Variants in FNTB observed in about 807,000 individuals in gnomAD.
FNTB encodes protein farnesyltransferase subunit beta.
A neutral mutation model predicts 59.4 loss-of-function variants in FNTB; 27 were observed. The ratio of observed to expected loss-of-function variants is 0.45; its 90% CI spans 0.34 to 0.63. FNTB has a LOEUF of 0.63. Ranked by LOEUF, FNTB falls within the 20% of genes least tolerant of loss-of-function variation. FNTB has a pLI of 0.02. For missense variants in FNTB, 449 were observed against 559.6 expected (o/e 0.80, Z 1.99); for synonymous variants, 230 against 220.7 (o/e 1.04, Z -0.37).
intron 7 of FNTB, among the ~76,000 whole-genome samples, chr14:65,035,827 C>G (rs906554631): frequency 6.6e-6 from 1 of 151,734 alleles, no homozygotes; most frequent in Non-Finnish European, 1.5e-5. Flanking sequence ...AGCCACTGCG[C>G]CCAGCTTTTT....
intron 3 of FNTB, among the ~76,000 whole-genome samples, chr14:65,013,275 T>A (rs954749287): frequency 6.6e-6 from 1 of 151,936 alleles, no homozygotes; most frequent in Non-Finnish European, 1.5e-5. Flanking sequence ...TCCTGCCCAT[T>A]ACTGCCATCT....
intron 7 of FNTB, among the ~76,000 whole-genome samples, chr14:65,040,257 A>ATATATATGTATATATATGTG (rs2062315089): frequency 2.0e-5 from 3 of 148,942 alleles, no homozygotes; most frequent in Non-Finnish European, 4.4e-5. Flanking sequence ...CTATATATAT[A>ATATATATGTATATATATGTG]TGTATATATA....
At chr14:65,016,763 C>G (rs1030979295) in intron 4 of FNTB, among the ~76,000 whole-genome samples, 8 of 152,086 alleles carry the variant, frequency 5.3e-5, no homozygotes, top group Middle Eastern at 3.2e-3. Flanking sequence ...GGCCATTAAC[C>G]CTTGTGGTAC....
At chr14:65,021,831 AG>A (rs2061891800) in intron 4 of FNTB, 2 of 422,836 alleles carry the variant, frequency 4.7e-6, no homozygotes, top group African/African-American at 4.1e-5. Flanking sequence ...TTTTTAGTAG[AG>A]ATGGGGTTTC....
At chr14:65,004,112 C>T (rs533844878) in intron 1 of FNTB, 137 bp from the exon 2 acceptor site, 4 of 796,118 alleles carry the variant, frequency 5.0e-6, no homozygotes, top group Admixed American at 5.6e-5. Context: ...CTGCAGAACC[C>T]ATCTTACAGT....
intron 1 of FNTB, among the ~76,000 whole-genome samples, chr14:65,000,838 A>AAAAAAAAAG (rs778200008): frequency 5.2e-5 from 6 of 116,022 alleles, no homozygotes; most frequent in South Asian, 2.8e-4. Context: ...AAAAAAAAAA[A>AAAAAAAAAG]AAAGAATAGT....
intron 11 of FNTB, among the ~76,000 whole-genome samples, chr14:65,058,204 TCTTTA>T (rs1318530692): frequency 5.0e-5 from 6 of 120,132 alleles, no homozygotes; most frequent in Admixed American, 4.6e-4. Context: ...ATTTTTCTTT[TCTTTA>T]ATGTCTTTCA....
chr14:65,035,516 C>T (rs564928283), intron 7 of FNTB, among the ~76,000 whole-genome samples: 1 of 151,908 alleles, frequency 6.6e-6, no homozygotes, highest in South Asian at 2.1e-4. Context: ...CTTCTTTCTT[C>T]CTCTGTCTTT....
chr14:64,995,618 C>G (rs1888362237), intron 1 of FNTB, among the ~76,000 whole-genome samples: 1 of 151,234 alleles, frequency 6.6e-6, no homozygotes. Flanking sequence ...TGGCACATTA[C>G]TATATTAGTT....
chr14:65,041,829 C>A (rs2062360719), intron 8 of FNTB, among the ~76,000 whole-genome samples: 1 of 152,138 alleles, frequency 6.6e-6, no homozygotes, highest in Non-Finnish European at 1.5e-5. Context: ...GTTTTAAAAT[C>A]TGAACACCAA....
At chr14:65,018,882 G>A (rs2061831701) in intron 4 of FNTB, among the ~76,000 whole-genome samples, 1 of 151,122 alleles carries the variant, frequency 6.6e-6, no homozygotes, top group South Asian at 2.1e-4. Flanking sequence ...AGAACGAAGT[G>A]GGTGGATCAC....
intron 2 of FNTB, among the ~76,000 whole-genome samples, chr14:65,008,411 C>G (rs1595006952): frequency 6.6e-6 from 1 of 152,210 alleles, no homozygotes; most frequent in African/African-American, 2.4e-5. Flanking sequence ...TCAGGGAAGC[C>G]AGAGTGAGCA....
At chr14:64,988,490 G>C (rs1264329001) in intron 1 of FNTB, among the ~76,000 whole-genome samples, 2 of 146,682 alleles carry the variant, frequency 1.4e-5, no homozygotes, top group African/African-American at 2.5e-5. Flanking sequence ...CCTGTTGCCA[G>C]GCTGGGATGC....
At position 64,991,990 on chromosome 14, in the gene FNTB, C is replaced by T. The variant is rs888259732; in HGVS notation, c.144+4893C>T. Among the ~76,000 whole-genome samples the T allele has an allele frequency of 6.6e-5, 10 of 152,084 alleles. 1 individual carries two copies. Among genetic ancestry groups the T allele is most frequent in the African/African-American group, 2.2e-4 (9 of 41,392 alleles). On this transcript the variant is annotated intron_variant, in intron 1 of 11. Transcript: ENST00000246166. This position sits in a 1 kb window ranked among gnomAD's most constrained non-coding sequence, Gnocchi z 4.4. The stretch of plus-strand genomic sequence containing the variant: ...ACCACATATCCTAAGGAGGGACCAG[C>T]GGAACAGAATCCTGACCTGCTGTTG...
Position 64,994,656 on chromosome 14 carries a change from C to T in FNTB, c.144+7559C>T, listed in dbSNP as rs187710190. ...GTTATAAAAGATAAAAAATGATAGA[C>T]CTATCTAGGGAACTTAGCATGAATG... is the stretch of plus-strand genomic sequence containing the variant. On this transcript the variant is annotated intron_variant, in intron 1 of 11. Transcript: ENST00000246166. This position sits in a 1 kb window ranked among gnomAD's most constrained non-coding sequence, Gnocchi z 4.2. Among the ~76,000 whole-genome samples the T allele has an allele frequency of 2.0e-5, 3 of 152,234 alleles. No homozygotes were observed. In the East Asian group the frequency reaches 5.8e-4, roughly 29 times the overall value.
intron 4 of FNTB, among the ~76,000 whole-genome samples, chr14:65,021,158 C>T (rs1452680821): frequency 1.3e-5 from 2 of 152,234 alleles, no homozygotes; most frequent in Non-Finnish European, 2.9e-5. Context: ...GAAGCATCCT[C>T]TAATGAGAAT....
rs766038473 is a variant in FNTB, at chr14:65,015,550, A to T, written c.283-75A>T. The T allele has an allele frequency of 4.6e-6, 7 of 1,530,610 alleles. No homozygotes were observed. In the South Asian group the frequency reaches 5.7e-5, roughly 12 times the overall value. 94.8% of individuals were successfully genotyped at this position (1,530,610 alleles called of 1,614,324 possible). ...CCCTTGCCAGGCTGCTGGGAGTGAG[A>T]CAGATACAGCCTTGGCAGCAGTGTC... is the stretch of plus-strand genomic sequence containing the variant. On this transcript the variant is annotated intron_variant, in intron 3 of 11. Transcript: ENST00000246166.
rs1212662830 is a variant in FNTB, at chr14:65,054,939, G to A, written c.1182+250G>A. Among the ~76,000 whole-genome samples, 1 of 152,190 alleles carries A rather than the reference G, an allele frequency of 6.6e-6. No homozygotes were observed. The highest frequency in any genetic ancestry group is 1.5e-5 in the Non-Finnish European group (1 of 68,034). On this transcript the variant is annotated intron_variant, in intron 11 of 11. Transcript: ENST00000246166. The surrounding 1 kb of genome is among the most constrained non-coding windows in gnomAD (Gnocchi z 4.4). ...GCTGTTGTGCCTTTATCCCAGGGCT[G>A]AGGACCTAGCCCACTGCTGGTATTA...
At chr14:65,004,761 C>T (rs1226498595) in intron 2 of FNTB, among the ~76,000 whole-genome samples, 7 of 151,950 alleles carry the variant, frequency 4.6e-5, no homozygotes, top group Admixed American at 4.6e-4. Context: ...CTCATAGGTT[C>T]AAGTGATTCT....
Sources: allele counts gnomAD v4.1 joint callset (sites outside exome capture counted in the v4.1 genomes callset), GRCh38; gene constraint gnomAD v4.1.1; non-coding constraint Gnocchi (gnomAD v3.1); transcripts MANE v1.5; gene names NCBI Gene and HGNC (gene_info 2026-07-23, HGNC 2026-07-21).